DCAF1: variants seen among roughly 807,000 people sequenced by gnomAD.
DCAF1 encodes the protein DDB1- and CUL4-associated factor 1.
DCAF1 carries 15 observed loss-of-function variants against 128.0 expected under a neutral mutation model. That is an observed-to-expected ratio of 0.12 (90% confidence interval 0.08 to 0.18). The LOEUF (loss-of-function observed/expected upper bound fraction) is 0.18, where lower values mean the gene tolerates loss of function less well. Ranked by LOEUF, DCAF1 falls within the 10% of genes least tolerant of loss-of-function variation. DCAF1 has a pLI of 1.00. For synonymous variants in DCAF1, 610 were observed against 603.0 expected, an observed-to-expected ratio of 1.01 and a Z score of -0.17; for missense variants, 988 against 1,649.5, an observed-to-expected ratio of 0.60 and a Z score of 6.95.
intron 2 of DCAF1, among the ~76,000 whole-genome samples, chr3:51,484,941 G>A (rs1706751737): frequency 7.0e-6 from 1 of 142,084 alleles, no homozygotes; most frequent in South Asian, 2.2e-4. Flanking sequence ...TTGAGACAGA[G>A]TTTCACTCTT....
chr3:51,460,722 A>G (rs1158077203), intron 6 of DCAF1, among the ~76,000 whole-genome samples: 1 of 152,176 alleles, frequency 6.6e-6, no homozygotes, highest in Non-Finnish European at 1.5e-5. Context: ...TATATAGACC[A>G]ATGGAACAGA....
At chr3:51,460,204 CAA>C (rs1206069271) in intron 6 of DCAF1, among the ~76,000 whole-genome samples, 1 of 152,176 alleles carries the variant, frequency 6.6e-6, no homozygotes, top group Non-Finnish European at 1.5e-5. Context: ...GCAACTTCAG[CAA>C]AGTCTCAGGA....
chr3:51,460,861 T>G (rs1343795385), intron 6 of DCAF1, among the ~76,000 whole-genome samples: 5 of 149,874 alleles, frequency 3.3e-5, no homozygotes, highest in Non-Finnish European at 6.0e-5. Context: ...TAGCCATATG[T>G]AGAAAGCTGA....
At chr3:51,432,545 G>A (rs1447371592) in intron 10 of DCAF1, among the ~76,000 whole-genome samples, 4 of 151,440 alleles carry the variant, frequency 2.6e-5, no homozygotes, top group African/African-American at 4.9e-5. Flanking sequence ...TGCAACCTCC[G>A]CCTCCTGGGT....
intron 6 of DCAF1, among the ~76,000 whole-genome samples, chr3:51,450,950 T>C (rs1456021052): frequency 6.7e-6 from 1 of 150,304 alleles, no homozygotes; most frequent in Non-Finnish European, 1.5e-5. Context: ...AAAGACTCCA[T>C]ACACAAAAAA....
intron 1 of DCAF1, among the ~76,000 whole-genome samples, chr3:51,499,145 G>A (rs996413012): frequency 4.6e-5 from 7 of 152,218 alleles, no homozygotes; most frequent in Non-Finnish European, 7.3e-5. Flanking sequence ...AAACCAGACA[G>A]AAAACCGTCT....
At chr3:51,481,092 A>G (rs1553652659) in intron 3 of DCAF1, among the ~76,000 whole-genome samples, 1 of 152,192 alleles carries the variant, frequency 6.6e-6, no homozygotes, top group East Asian at 1.9e-4. Context: ...CCCATCCCCA[A>G]TATCATAGCT....
intron 20 of DCAF1, 56 bp from the exon 21 acceptor site, chr3:51,413,442 A>C: frequency 6.4e-7 from 1 of 1,562,428 alleles, no homozygotes; most frequent in Non-Finnish European, 8.7e-7. Context: ...TCCCCTCTTC[A>C]CAAGTGCAGA....
chr3:51,489,655 T>C (rs187085439), intron 2 of DCAF1, among the ~76,000 whole-genome samples: 159 of 151,876 alleles, frequency 1.0e-3, no homozygotes, highest in South Asian at 3.5e-3. Flanking sequence ...GGCATGGTGG[T>C]GTACACCTGT....
Position 51,412,975 on chromosome 3 carries a change from T to G in DCAF1, c.4110+18A>C. On this transcript the variant is annotated intron_variant, in intron 22 of 24. Transcript: ENST00000684031. ...AACATCAGAACAAAAGAGCAGGGCC[T>G]CTGCAAGCTCCCTTTACCTCAATGA... 1.9e-6 allele frequency: 3 copies of G among 1,613,498 alleles called. No individual in the cohort carries two copies. Among genetic ancestry groups the G allele is most frequent in the Non-Finnish European group, 2.5e-6 (3 of 1,179,590 alleles).
chr3:51,492,255 T>C (rs1577330727), intron 2 of DCAF1, among the ~76,000 whole-genome samples: 1 of 152,048 alleles, frequency 6.6e-6, no homozygotes, highest in African/African-American at 2.4e-5. Context: ...GGCCGAGTGC[T>C]GTGGCTCATG....
At chr3:51,442,556 G>A (rs1377205472) in intron 7 of DCAF1, among the ~76,000 whole-genome samples, 2 of 152,012 alleles carry the variant, frequency 1.3e-5, no homozygotes, top group African/African-American at 4.8e-5. Flanking sequence ...AAAATTTCCA[G>A]GGTGTGGAGG....
intron 12 of DCAF1, among the ~76,000 whole-genome samples, chr3:51,428,088 C>A (rs1416196328): frequency 1.3e-5 from 2 of 152,148 alleles, no homozygotes; most frequent in African/African-American, 4.8e-5. Context: ...ACTAGACTCA[C>A]AATATGATTT....
chr3:51,497,288 G>A (rs372365900), intron 1 of DCAF1, among the ~76,000 whole-genome samples: 4 of 151,302 alleles, frequency 2.6e-5, no homozygotes, highest in Admixed American at 6.6e-5. Context: ...CAGGAAGACT[G>A]TCTCAAAAAA....
upstream of DCAF1, among the ~76,000 whole-genome samples, chr3:51,503,169 A>G (rs1708859513): frequency 6.6e-6 from 1 of 152,062 alleles, no homozygotes; most frequent in South Asian, 2.1e-4. Context: ...TGGTGTGCCC[A>G]AGAAAGAGGA....
rs1268100763 is a variant in DCAF1, at chr3:51,420,461, C to T, written c.2509G>A (p.Val837Ile). ...VSLARLQKAD[V>I]VAQSRISFPE... Reference sequence around the variant, plus strand: ...AAGGAGATCCTTGACTGGGCAACAACATCTGCTTTCTGCAGTCGTGCTAGG... The same window carrying T: ...AAGGAGATCCTTGACTGGGCAACAATATCTGCTTTCTGCAGTCGTGCTAGG... Residue 837 changes from valine (V) to isoleucine (I), a missense_variant, in exon 15 of 25, where the codon GTT (valine) becomes ATT (isoleucine). Transcript: ENST00000684031. This position sits in a 1 kb window ranked among gnomAD's most constrained non-coding sequence, Gnocchi z 6.5. The T allele has an allele frequency of 6.2e-7, 1 of 1,613,938 alleles. No homozygotes were observed. Among genetic ancestry groups the T allele is most frequent in the African/African-American group, 1.3e-5 (1 of 74,940 alleles).
intron 17 of DCAF1, 82 bp downstream of exon 17, chr3:51,418,034 G>T: frequency 6.6e-7 from 1 of 1,508,712 alleles, no homozygotes; most frequent in South Asian, 1.3e-5. Context: ...TCCCCAAAAG[G>T]CTTCCAGTCT....
At chr3:51,442,310 T>C (rs1701431477) in intron 7 of DCAF1, among the ~76,000 whole-genome samples, 1 of 152,224 alleles carries the variant, frequency 6.6e-6, no homozygotes, top group Non-Finnish European at 1.5e-5. Context: ...TTGCCATGTA[T>C]ATTATACATA....
intron 13 of DCAF1, 114 bp downstream of exon 13, chr3:51,427,258 A>G (rs1699985539): frequency 1.7e-6 from 1 of 574,698 alleles, no homozygotes. Flanking sequence ...ATTCAAGTCC[A>G]AAATTTCAAT....
Sources: gnomAD v4.1 joint callset for allele counts (sites outside exome capture counted in the v4.1 genomes callset) on GRCh38, gnomAD v4.1.1 for gene constraint, Gnocchi (gnomAD v3.1) non-coding constraint, MANE v1.5 for transcripts, NCBI Gene and HGNC (gene_info 2026-07-23, HGNC 2026-07-21) for gene names.